The following EPHA6 variants were observed in gnomAD, a reference collection of about 807,000 sequenced individuals.
EPHA6 encodes ephrin type-A receptor 6.
In EPHA6, 50 loss-of-function variants were observed where a neutral mutation model predicts 112.0. The observed-to-expected ratio is 0.45, with a 90% CI of 0.36 to 0.56. The LOEUF is 0.56. Ranked by LOEUF, EPHA6 falls within the 20% of genes least tolerant of loss-of-function variation. EPHA6 has a pLI of 0.00. For missense variants in EPHA6, 1,280 were observed against 1,417.4 expected (o/e 0.90, Z 1.56); for synonymous variants, 529 against 490.7 (o/e 1.08, Z -1.03).
intron 5 of EPHA6, among the ~76,000 whole-genome samples, chr3:97,381,675 C>G (rs972413755): frequency 6.6e-6 from 1 of 152,102 alleles, no homozygotes; most frequent in Non-Finnish European, 1.5e-5. Context: ...AAATTACTAG[C>G]AGGTTTAGAG....
intron 3 of EPHA6, among the ~76,000 whole-genome samples, chr3:97,097,626 T>C (rs2047280322): frequency 1.3e-5 from 2 of 151,908 alleles, no homozygotes; most frequent in Non-Finnish European, 2.9e-5. Context: ...TTAAAATTTA[T>C]GTCTTCACTG....
chr3:97,540,903 A>C (rs2092839621), intron 11 of EPHA6, among the ~76,000 whole-genome samples: 1 of 152,148 alleles, frequency 6.6e-6, no homozygotes, highest in Non-Finnish European at 1.5e-5. Flanking sequence ...TGATAAATCC[A>C]AATTGGGAAG....
At chr3:97,553,746 T>C (rs1473501077) in intron 11 of EPHA6, among the ~76,000 whole-genome samples, 1 of 152,080 alleles carries the variant, frequency 6.6e-6, no homozygotes, top group Non-Finnish European at 1.5e-5. Context: ...TGTATCCTGA[T>C]GGATGGGATA....
intron 3 of EPHA6, among the ~76,000 whole-genome samples, chr3:97,117,425 G>A (rs1045184168): frequency 5.3e-5 from 8 of 151,536 alleles, no homozygotes; most frequent in Non-Finnish European, 7.4e-5. Context: ...AAAATTTCCC[G>A]TTTCCTTCTA....
chr3:97,581,757 A>G (rs972809941), intron 11 of EPHA6, among the ~76,000 whole-genome samples: 7 of 152,234 alleles, frequency 4.6e-5, no homozygotes, highest in Admixed American at 3.9e-4. Context: ...CTGGCTCCAC[A>G]CCTGTGCTCT....
intron 14 of EPHA6, among the ~76,000 whole-genome samples, chr3:97,708,154 G>A (rs2317209): frequency 0.27 from 41,479 of 152,090 alleles, 6,037 homozygotes; most frequent in East Asian, 0.36. Flanking sequence ...GGGAAAGTTT[G>A]GAACTTCCTC....
intron 3 of EPHA6, among the ~76,000 whole-genome samples, chr3:97,037,372 G>T (rs2108040206): frequency 6.6e-6 from 1 of 152,140 alleles, no homozygotes; most frequent in Non-Finnish European, 1.5e-5. Flanking sequence ...GTAGATGGCG[G>T]TTTGACTGAA....
chr3:96,829,942 C>CGCGCGT (rs904290278), intron 1 of EPHA6, among the ~76,000 whole-genome samples: 5 of 104,196 alleles, frequency 4.8e-5, no homozygotes, highest in African/African-American at 1.8e-4. Flanking sequence ...TGCATGTGCG[C>CGCGCGT]GCGCGCGCAC....
At chr3:97,711,479 G>A (rs781542294) in intron 14 of EPHA6, among the ~76,000 whole-genome samples, 14 of 151,890 alleles carry the variant, frequency 9.2e-5, no homozygotes, top group African/African-American at 1.5e-4. Context: ...CCCAGGATAC[G>A]CCATCTGCAA....
chr3:97,452,541 CTTA>C (rs1052881002), intron 7 of EPHA6, among the ~76,000 whole-genome samples: 1 of 151,518 alleles, frequency 6.6e-6, no homozygotes, highest in African/African-American at 2.4e-5. Flanking sequence ...GTGTACTGGC[CTTA>C]TTATTAGGTA....
Position 97,096,384 on chromosome 3 carries a change from G to T in EPHA6, c.1114+108391G>T, listed in dbSNP as rs532496628. Among the ~76,000 whole-genome samples the T allele has an allele frequency of 4.0e-5, 6 of 151,790 alleles. No individual in the cohort carries two copies. In the East Asian group the frequency reaches 9.7e-4, roughly 25 times the overall value. The stretch of plus-strand genomic sequence containing the variant: ...TAGTTTAAATATTTAGAGTAGTTTA[G>T]AAGTATATTATTGTATAGCTATATA... On this transcript the variant is annotated intron_variant, in intron 3 of 17. Coordinates refer to ENST00000389672, the MANE Select transcript of EPHA6 (RefSeq NM_001080448.3).
chr3:97,628,730 T>C (rs2107527532), intron 13 of EPHA6, among the ~76,000 whole-genome samples: 1 of 152,174 alleles, frequency 6.6e-6, no homozygotes, highest in Admixed American at 6.6e-5. Context: ...ACTCAAATTA[T>C]AAATCTAGTA....
Position 97,285,054 on chromosome 3 carries a change from C to T in EPHA6, c.1606+40767C>T, listed in dbSNP as rs148743424. Reference sequence around the variant, plus strand: ...AAAACTTGTTCAGCCTCTGGAATACCGCCATCTGATAAACTTCTGCTGATA... The same window carrying T: ...AAAACTTGTTCAGCCTCTGGAATACTGCCATCTGATAAACTTCTGCTGATA... On this transcript the variant is annotated intron_variant, in intron 5 of 17. Coordinates refer to ENST00000389672, the MANE Select transcript of EPHA6 (RefSeq NM_001080448.3). Among the ~76,000 whole-genome samples the T allele has an allele frequency of 3.1e-3, 479 of 152,072 alleles. 3 individuals are homozygous for T. Among genetic ancestry groups the T allele is most frequent in the African/African-American group, 0.011 (440 of 41,494 alleles).
At chr3:97,256,561 A>G (rs1341280946) in intron 5 of EPHA6, among the ~76,000 whole-genome samples, 2 of 152,066 alleles carry the variant, frequency 1.3e-5, no homozygotes, top group East Asian at 3.9e-4. Context: ...AGATATGGCA[A>G]GCAGATGGTA....
At chr3:97,410,791 C>T (rs1291988831) in intron 6 of EPHA6, among the ~76,000 whole-genome samples, 1 of 151,986 alleles carries the variant, frequency 6.6e-6, no homozygotes, top group Non-Finnish European at 1.5e-5. Flanking sequence ...CTCTAGAAGC[C>T]CTACTTTTCC....
intron 14 of EPHA6, among the ~76,000 whole-genome samples, chr3:97,657,118 G>T (rs1343350003): frequency 6.6e-6 from 1 of 151,754 alleles, no homozygotes; most frequent in East Asian, 1.9e-4. Context: ...TGTTCTTTTA[G>T]TAGTCCAAAT....
intron 14 of EPHA6, among the ~76,000 whole-genome samples, chr3:97,699,502 G>A (rs71311332): frequency 0.047 from 7,193 of 152,196 alleles, 230 homozygotes; most frequent in Non-Finnish European, 0.074. Context: ...AAAGAAATTT[G>A]CTAAAAACCT....
intron 13 of EPHA6, chr3:97,612,398 T>G (rs1463255802): frequency 2.3e-6 from 1 of 426,786 alleles, no homozygotes; most frequent in Middle Eastern, 3.4e-4. Context: ...AAGCAGAATA[T>G]AATGGCAAAC....
intron 15 of EPHA6, among the ~76,000 whole-genome samples, chr3:97,723,007 G>A (rs1397378289): frequency 6.6e-6 from 1 of 152,112 alleles, no homozygotes; most frequent in Non-Finnish European, 1.5e-5. Flanking sequence ...GGGGTGAGAT[G>A]ATTTTTAATA....
Sources: gnomAD v4.1 joint callset for allele counts (sites outside exome capture counted in the v4.1 genomes callset) on GRCh38, gnomAD v4.1.1 for gene constraint, MANE v1.5 for transcripts, NCBI Gene and HGNC (gene_info 2026-07-23, HGNC 2026-07-21) for gene names.